CLASP1: variants seen among roughly 807,000 people sequenced by gnomAD.
CLASP1 encodes the protein cytoplasmic linker associated protein 1.
CLASP1 carries 38 observed loss-of-function variants against 192.3 expected under a neutral mutation model. That is an observed-to-expected ratio of 0.20 (90% CI 0.15 to 0.26). The LOEUF (loss-of-function observed/expected upper bound fraction) is 0.26. Among genes scored for constraint, CLASP1 ranks in the 10% least tolerant of loss-of-function variants. The probability of loss-of-function intolerance (pLI) is 1.00; values close to 1 mark genes in which losing one functional copy is unlikely to be tolerated. For missense variants in CLASP1, 1,433 were observed against 1,932.5 expected, an observed-to-expected ratio of 0.74 and a Z score of 4.85; for synonymous variants, 691 against 712.8, an observed-to-expected ratio of 0.97 and a Z score of 0.49.
At position 121,530,954 on chromosome 2, in the gene CLASP1, A is replaced by AT. The variant is rs2094799004; in HGVS notation, c.196-630_196-629insA. On this transcript the variant is annotated intron_variant, in intron 2 of 39. Transcript: ENST00000263710. ...GGGCAGTACTGCTAACGCCTGAACA[A>AT]CACACCCGCATCAACTAGAGCTTTT... The AT allele has an allele frequency of 8.6e-6, 6 of 700,312 alleles. No individual in the cohort carries two copies. Among genetic ancestry groups the AT allele is most frequent in the Admixed American group, 6.0e-5 (3 of 49,994 alleles). The allele number at this position is 700,312 out of a possible 1,614,324, so 43.4% of individuals were successfully genotyped here.
intron 1 of CLASP1, among the ~76,000 whole-genome samples, chr2:121,610,620 A>G (rs1488603894): frequency 7.0e-5 from 6 of 86,088 alleles, no homozygotes; most frequent in Non-Finnish European, 8.4e-5. Flanking sequence ...AGGAAGAGGA[A>G]CTGGAGGAGG....
intron 8 of CLASP1, among the ~76,000 whole-genome samples, chr2:121,476,375 C>G (rs1452383507): frequency 6.6e-6 from 1 of 152,132 alleles, no homozygotes; most frequent in Admixed American, 6.5e-5. Flanking sequence ...ACAGACAGAT[C>G]AGAAGGAATA....
chr2:121,531,050 A>T (rs747868038), intron 2 of CLASP1: 26 of 697,520 alleles, frequency 3.7e-5, no homozygotes, highest in Non-Finnish European at 5.7e-5. Context: ...AAACAGCAGT[A>T]ATTCGTAAAT....
At chr2:121,576,743 A>C (rs1193602537) in intron 2 of CLASP1, among the ~76,000 whole-genome samples, 2 of 152,234 alleles carry the variant, frequency 1.3e-5, no homozygotes, top group Non-Finnish European at 2.9e-5. Context: ...ACTGGTAGAC[A>C]CTAACTCATG....
At chr2:121,617,077 A>G (rs1417645263) in intron 1 of CLASP1, among the ~76,000 whole-genome samples, 1 of 152,182 alleles carries the variant, frequency 6.6e-6, no homozygotes, top group Non-Finnish European at 1.5e-5. Context: ...GGGGCACTGC[A>G]CCTACCAACT....
At chr2:121,421,145 T>C (rs562817285) in intron 22 of CLASP1, among the ~76,000 whole-genome samples, 25 of 152,294 alleles carry the variant, frequency 1.6e-4, no homozygotes, top group Admixed American at 8.5e-4. Flanking sequence ...AGTGGTGACA[T>C]CCATGGTTCA....
intron 2 of CLASP1, among the ~76,000 whole-genome samples, chr2:121,575,692 T>A (rs1382988138): frequency 6.6e-6 from 1 of 152,122 alleles, no homozygotes; most frequent in Non-Finnish European, 1.5e-5. Context: ...TGTTCACAAC[T>A]CAATATAAAA....
At chr2:121,454,483 C>T (rs1461885056) in intron 14 of CLASP1, among the ~76,000 whole-genome samples, 1 of 152,040 alleles carries the variant, frequency 6.6e-6, no homozygotes, top group Admixed American at 6.5e-5. Flanking sequence ...TCCTCTGGGC[C>T]ACAGGGAAAG....
chr2:121,451,134 C>T lies in CLASP1; in HGVS notation c.1446-144G>A, dbSNP rs549415938. 9.2e-5 allele frequency: 56 copies of T among 611,656 alleles called. No individual in the cohort carries two copies. In the South Asian group the frequency reaches 1.2e-3, roughly 13 times the overall value. The allele number at this position is 611,656 out of a possible 1,614,324, so 37.9% of individuals were successfully genotyped here. ...GCTGGTCAGTTCCCACGTGGCTGGG[C>T]AAAGCACGGCACTCCTACCTACAGT... On this transcript the variant is annotated intron_variant, in intron 15 of 39. Transcript: ENST00000263710.
rs115969065 is a variant in CLASP1 at position 121,399,709 on chromosome 2, G to T, written c.2901-1309C>A. On this transcript the variant is annotated intron_variant, in intron 28 of 39. Transcript: ENST00000263710. ...TCTACTGAGATTAGGACTCTTAAAGGGGCATCCAGGAAAACTAACAGGAGG... is the reference window on the plus strand; with the variant it reads ...TCTACTGAGATTAGGACTCTTAAAGTGGCATCCAGGAAAACTAACAGGAGG... 4.5e-3 allele frequency among the ~76,000 whole-genome samples: 692 copies of T among 152,214 alleles called. 2 individuals carry two copies. Among genetic ancestry groups the T allele is most frequent in the African/African-American group, 0.016 (670 of 41,508 alleles).
chr2:121,340,823 G>A (rs369069537), exon 40 of CLASP1: 50 of 1,515,948 alleles, frequency 3.3e-5, no homozygotes, highest in Admixed American at 8.9e-5. Context: ...AGGCACCACC[G>A]ATTGCTTCTA....
At chr2:121,339,791 GAT>G (rs2062627591) in exon 40 of CLASP1, 1 of 152,148 alleles carries the variant, frequency 6.6e-6, no homozygotes, top group Non-Finnish European at 1.5e-5. Context: ...AAAAAATTGT[GAT>G]ATCCAGTCTC....
intron 1 of CLASP1, among the ~76,000 whole-genome samples, chr2:121,608,933 T>A (rs1171019662): frequency 6.6e-6 from 1 of 152,224 alleles, no homozygotes; most frequent in African/African-American, 2.4e-5. Context: ...TGTGCTTACG[T>A]AATACTGATT....
chr2:121,469,806 A>G lies in CLASP1; in HGVS notation c.865+2T>C, dbSNP rs1241278833. On this transcript the variant is annotated splice_donor_variant, in intron 9 of 39. Transcript: ENST00000263710. LOFTEE classifies it high-confidence loss of function. ...AGAACGCCACACAGGGCTTAGACTA[A>G]CCTGAAGACTTGGATCCAAGGGTGG... is the stretch of plus-strand genomic sequence containing the variant. 6.2e-7 allele frequency: 1 copy of G among 1,611,084 alleles called. No individual in the cohort carries two copies. Among genetic ancestry groups the G allele is most frequent in the South Asian group, 1.1e-5 (1 of 90,856 alleles).
At position 121,515,768 on chromosome 2, in the gene CLASP1, T is replaced by C. The variant is rs1575591237; in HGVS notation, c.547-6A>G. 1.2e-6 allele frequency: 2 copies of C among 1,612,710 alleles called. No homozygotes were observed. Among genetic ancestry groups the C allele is most frequent in the East Asian group, 4.5e-5 (2 of 44,868 alleles). ...TTTATTGCTGCATCTCGAACCTAGA[T>C]ATAAAAGAAGAGATCTTACAGCTGC... On this transcript the variant is annotated splice_polypyrimidine_tract_variant and splice_region_variant and intron_variant, in intron 6 of 39. Transcript: ENST00000263710.
rs578079032 is a variant in CLASP1, at chr2:121,616,201, C to G, written c.-285-10021G>C. Reference sequence around the variant, plus strand: ...GTCGCTCACGCCTGTAATCTCAACACTTTGGGAGGCCAGGGCGGGTGGATC... The same window carrying G: ...GTCGCTCACGCCTGTAATCTCAACAGTTTGGGAGGCCAGGGCGGGTGGATC... On this transcript the variant is annotated intron_variant, in intron 1 of 39. Transcript: ENST00000263710. Among the ~76,000 whole-genome samples the G allele has an allele frequency of 1.0e-3, 156 of 152,266 alleles. 2 individuals are homozygous for G. The South Asian group carries it at 0.013, about 13-fold the overall frequency.
At chr2:121,367,270 G>A (rs2067595746) in intron 35 of CLASP1, among the ~76,000 whole-genome samples, 1 of 152,204 alleles carries the variant, frequency 6.6e-6, no homozygotes, top group Non-Finnish European at 1.5e-5. Context: ...CCTGGGCCCT[G>A]GGTTCTACAG....
At chr2:121,580,337 C>T (rs561384675) in intron 2 of CLASP1, among the ~76,000 whole-genome samples, 1 of 152,300 alleles carries the variant, frequency 6.6e-6, no homozygotes, top group African/African-American at 2.4e-5. Flanking sequence ...CAAATACCTT[C>T]TCAAAAGCAC....
chr2:121,411,724 TTGTGATCATGGAAA>T (rs1448910553), intron 23 of CLASP1, among the ~76,000 whole-genome samples: 4 of 152,294 alleles, frequency 2.6e-5, no homozygotes, highest in Admixed American at 2.6e-4. Flanking sequence ...TTAAGCTTAC[TTGTGATCATGGAAA>T]TGAAAACTCA....
Sources: allele counts gnomAD v4.1 joint callset (sites outside exome capture counted in the v4.1 genomes callset), GRCh38; gene constraint gnomAD v4.1.1; transcripts MANE v1.5; gene names NCBI Gene and HGNC (gene_info 2026-07-23, HGNC 2026-07-21).